Variants in CAMKK1 observed in about 807,000 individuals in gnomAD.
CAMKK1 encodes the protein calcium/calmodulin-dependent protein kinase kinase 1.
A neutral mutation model predicts 63.5 loss-of-function variants in CAMKK1; 20 were observed. The ratio of observed to expected loss-of-function variants is 0.32; its 90% CI spans 0.22 to 0.46. The LOEUF (loss-of-function observed/expected upper bound fraction) is 0.46, where lower values mean the gene tolerates loss of function less well. CAMKK1 is among the 20% of genes least tolerant of loss of function. CAMKK1 has a pLI of 1.00. For missense variants in CAMKK1, 588 were observed against 658.1 expected (o/e 0.89, Z 1.17); for synonymous variants, 253 against 269.0 (o/e 0.94, Z 0.58).
Position 3,882,973 on chromosome 17 carries a change from C to G in CAMKK1, c.648+69G>C. The G allele has an allele frequency of 3.8e-6, 6 of 1,586,990 alleles. No individual in the cohort carries two copies. The highest frequency in any genetic ancestry group is 3.4e-5 in the South Asian group (3 of 87,790). On this transcript the variant is annotated intron_variant, in intron 6 of 15. Transcript: ENST00000348335. This position sits in a 1 kb window ranked among gnomAD's most constrained non-coding sequence, Gnocchi z 4.3. ...GATCCCTGGGTCTGTGCTAGGGGCT[C>G]CCCAGCACCAGAAGCGGCTCCCATG...
rs903080745 is a variant in CAMKK1, at chr17:3,862,927, G to A, written c.1446-644C>T. 3.3e-5 allele frequency among the ~76,000 whole-genome samples: 5 copies of A among 152,210 alleles called. No homozygotes were observed. The highest frequency in any genetic ancestry group is 1.9e-4 in the East Asian group (1 of 5,142). ...GTTGGGATTGCAGGCGTGAGCCACCGTGCCCGGCCTGAGGGCCTTCTGTGT... is the reference window on the plus strand; with the variant it reads ...GTTGGGATTGCAGGCGTGAGCCACCATGCCCGGCCTGAGGGCCTTCTGTGT... On this transcript the variant is annotated intron_variant, in intron 15 of 15. Coordinates refer to ENST00000348335, the MANE Select transcript of CAMKK1 (RefSeq NM_032294.3). The surrounding 1 kb of genome is among the most constrained non-coding windows in gnomAD (Gnocchi z 4.1).
intron 15 of CAMKK1, among the ~76,000 whole-genome samples, chr17:3,864,493 G>A (rs1478511823): frequency 1.3e-5 from 2 of 152,086 alleles, no homozygotes; most frequent in Non-Finnish European, 2.9e-5. Flanking sequence ...TGATCCACCC[G>A]CCTCGGCCTC....
chr17:3,881,545 C>A, intron 8 of CAMKK1, 82 bp downstream of exon 8: 1 of 1,355,106 alleles, frequency 7.4e-7, no homozygotes, highest in South Asian at 1.3e-5. Context: ...GAGTAGCTGA[C>A]CCCTGGGCTG....
At chr17:3,888,183 C>T (rs1003512012) in intron 1 of CAMKK1, among the ~76,000 whole-genome samples, 6 of 152,292 alleles carry the variant, frequency 3.9e-5, no homozygotes, top group Admixed American at 6.5e-5. Flanking sequence ...GACTCAGAGC[C>T]GCCACAGGCA....
chr17:3,891,885 G>A (rs2052044340), intron 1 of CAMKK1, among the ~76,000 whole-genome samples: 1 of 152,158 alleles, frequency 6.6e-6, no homozygotes, highest in Admixed American at 6.5e-5. Context: ...TTGTGAGCAG[G>A]GGAGTGCCTC....
rs1160890633 is a variant in CAMKK1 at position 3,887,542 on chromosome 17, C to T, written c.-43-1812G>A. On this transcript the variant is annotated intron_variant, in intron 1 of 15. Transcript: ENST00000348335. This position sits in a 1 kb window ranked among gnomAD's most constrained non-coding sequence, Gnocchi z 6.1. ...AGGGAGGCCTCCCTGGAAGAGAGGGCAGGAGACAGTGAGTGCGGCTGTGGC... is the reference window on the plus strand; with the variant it reads ...AGGGAGGCCTCCCTGGAAGAGAGGGTAGGAGACAGTGAGTGCGGCTGTGGC... Among the ~76,000 whole-genome samples the T allele has an allele frequency of 1.3e-5, 2 of 148,214 alleles. No homozygotes were observed. Among genetic ancestry groups the T allele is most frequent in the Admixed American group, 6.7e-5 (1 of 15,000 alleles).
In CAMKK1 at chr17:3,882,976, C is replaced by A; in HGVS notation, c.648+66G>T. The A allele has an allele frequency of 6.3e-7, 1 of 1,586,014 alleles. No individual in the cohort carries two copies. Among genetic ancestry groups the A allele is most frequent in the Non-Finnish European group, 8.6e-7 (1 of 1,162,276 alleles). ...CCCTGGGTCTGTGCTAGGGGCTCCC[C>A]AGCACCAGAAGCGGCTCCCATGAGA... On this transcript the variant is annotated intron_variant, in intron 6 of 15. Transcript: ENST00000348335. The surrounding 1 kb of genome is among the most constrained non-coding windows in gnomAD (Gnocchi z 4.3).
In CAMKK1 at chr17:3,872,551, C is replaced by T. The variant is rs780777350; in HGVS notation, c.1124+3G>A. 5 of 1,613,264 alleles carry T rather than the reference C, an allele frequency of 3.1e-6. No individual in the cohort carries two copies. The highest frequency in any genetic ancestry group is 3.3e-5 in the Admixed American group (2 of 60,018). On this transcript the variant is annotated splice_donor_region_variant and intron_variant, in intron 12 of 15. Transcript: ENST00000348335. ...CCCTTGTTCCCCTGGGTGGACAACT[C>T]ACTCCTCAGGAAACACCACGGGCTC...
At chr17:3,866,248 T>C (rs894548231) in intron 14 of CAMKK1, among the ~76,000 whole-genome samples, 2 of 152,088 alleles carry the variant, frequency 1.3e-5, no homozygotes, top group African/African-American at 4.8e-5. Context: ...GACCAGCCCA[T>C]GAAGGGTCCG....
intron 12 of CAMKK1, among the ~76,000 whole-genome samples, chr17:3,872,213 T>C (rs1282088622): frequency 6.6e-6 from 1 of 152,162 alleles, no homozygotes; most frequent in Non-Finnish European, 1.5e-5. Context: ...TCCCTGACCC[T>C]GAGTGGGGGA....
rs1260823282 is a variant in CAMKK1, at chr17:3,866,814, G to A, written c.1342-803C>T. Among the ~76,000 whole-genome samples, 6 of 151,856 alleles carry A rather than the reference G, an allele frequency of 4.0e-5. No individual in the cohort carries two copies. In the South Asian group the frequency reaches 8.3e-4, roughly 21 times the overall value. ...GGCTCACTGCAACCTCTGCCTCCCC[G>A]CTTCAAATGATCCTTCCGCCTCAGT... On this transcript the variant is annotated intron_variant, in intron 14 of 15. Transcript: ENST00000348335.
chr17:3,868,421 ACAGGTGCTGCCTAACTGATACG>A (rs1567613792), intron 14 of CAMKK1, among the ~76,000 whole-genome samples: 1 of 98,512 alleles, frequency 1.0e-5, no homozygotes, highest in African/African-American at 3.2e-5. Context: ...TGGGGGAGAC[ACAGGTGCTGCCTAACTGATACG>A]TGGGCTCTGG....
chr17:3,865,674 T>C (rs925836723), intron 15 of CAMKK1: 2 of 1,365,862 alleles, frequency 1.5e-6, no homozygotes, highest in Admixed American at 6.1e-5. Flanking sequence ...TCCCTGGAAG[T>C]GTGTGTGTGA....
chr17:3,876,168 C>G, intron 10 of CAMKK1, 55 bp downstream of exon 10: 1 of 1,536,902 alleles, frequency 6.5e-7, no homozygotes, highest in Middle Eastern at 2.0e-4. Context: ...GCCACTGCGG[C>G]AAGCTATTAC....
chr17:3,877,417 C>T (rs1002462938), intron 9 of CAMKK1, among the ~76,000 whole-genome samples: 4 of 152,160 alleles, frequency 2.6e-5, no homozygotes, highest in African/African-American at 4.8e-5. Context: ...AGCACCACCA[C>T]GAAGTGACAG....
intron 9 of CAMKK1, among the ~76,000 whole-genome samples, chr17:3,877,587 C>T (rs1029801): frequency 0.33 from 50,270 of 151,840 alleles, 9,548 homozygotes; most frequent in South Asian, 0.6. Context: ...GGAGAGAAGG[C>T]GAGAGAAGAA....
In CAMKK1 at chr17:3,869,621, G is replaced by C; in HGVS notation, c.1213-6C>G. The C allele has an allele frequency of 6.2e-7, 1 of 1,614,130 alleles. No individual in the cohort carries two copies. Among genetic ancestry groups the C allele is most frequent in the Non-Finnish European group, 8.5e-7 (1 of 1,179,996 alleles). On this transcript the variant is annotated splice_polypyrimidine_tract_variant and splice_region_variant and intron_variant, in intron 13 of 15. Transcript: ENST00000348335. ...TTGGTCACCCAAGGGTGCAACTGTC[G>C]GGGCCGGGAGGGCAGGGAGAGGGGG...
intron 14 of CAMKK1, among the ~76,000 whole-genome samples, chr17:3,869,064 G>A (rs1035571270): frequency 1.3e-5 from 2 of 151,426 alleles, no homozygotes; most frequent in African/African-American, 4.9e-5. Flanking sequence ...CACCTCCCGG[G>A]TTCACACCAT....
intron 1 of CAMKK1, among the ~76,000 whole-genome samples, chr17:3,891,135 C>G (rs1411188745): frequency 6.6e-6 from 1 of 150,624 alleles, no homozygotes; most frequent in African/African-American, 2.5e-5. Flanking sequence ...GGCTAGGGAG[C>G]AGCCAGGGAC....
Sources: allele counts gnomAD v4.1 joint callset (sites outside exome capture counted in the v4.1 genomes callset), GRCh38; gene constraint gnomAD v4.1.1; non-coding constraint Gnocchi (gnomAD v3.1); transcripts MANE v1.5; gene names NCBI Gene and HGNC (gene_info 2026-07-23, HGNC 2026-07-21).